The following PAX4 variants were observed in gnomAD, a reference collection of about 807,000 sequenced individuals.
The protein encoded by PAX4 is paired box protein Pax-4.
Under a neutral mutation model 40.6 loss-of-function variants are expected in PAX4, and 33 were observed. The ratio of observed to expected loss-of-function variants is 0.81; its 90% CI spans 0.62 to 1.09. PAX4 has a LOEUF of 1.09. PAX4 is among the 50% of genes least tolerant of loss of function. The pLI, the probability that PAX4 is intolerant of heterozygous loss-of-function variation, is 0.00. For missense variants in PAX4, 459 were observed against 442.5 expected (o/e 1.04, Z -0.33); for synonymous variants, 174 against 170.6 (o/e 1.02, Z -0.16).
At chr7:127,613,129 T>C in intron 8 of PAX4, 38 bp from the exon 9 acceptor site, 2 of 1,513,696 alleles carry the variant, frequency 1.3e-6, no homozygotes, top group Non-Finnish European at 1.8e-6. Flanking sequence ...GGCTGTACTT[T>C]ATGCTGCCTG....
chr7:127,613,407 T>A (rs1310110517), intron 8 of PAX4, 43 bp downstream of exon 8: 1 of 1,590,608 alleles, frequency 6.3e-7, no homozygotes, highest in Non-Finnish European at 8.6e-7. Context: ...CGGCCCAGAC[T>A]CTTCCTCCTT....
At chr7:127,616,931 A>C (rs1489015647) in intron 2 of PAX4, among the ~76,000 whole-genome samples, 1 of 152,200 alleles carries the variant, frequency 6.6e-6, no homozygotes, top group Non-Finnish European at 1.5e-5. Flanking sequence ...TTTCATTAGT[A>C]ATCAATGGGA....
At position 127,616,032 on chromosome 7, in the gene PAX4, A is replaced by G; in HGVS notation, c.-99-5T>C. ...TTTCCAGCTTGGGGGCTGGCTCTGCAATAATGGGGGGTTATTTGGGTGAGG... is the reference window on the plus strand; with the variant it reads ...TTTCCAGCTTGGGGGCTGGCTCTGCGATAATGGGGGGTTATTTGGGTGAGG... On this transcript the variant is annotated splice_region_variant and splice_polypyrimidine_tract_variant and intron_variant, in intron 2 of 11. Coordinates refer to ENST00000639438, the MANE Select transcript of PAX4 (RefSeq NM_001366110.1). 7.5e-7 allele frequency: 1 copy of G among 1,339,166 alleles called. No individual in the cohort carries two copies. The highest frequency in any genetic ancestry group is 1.3e-5 in the South Asian group (1 of 79,042). 83.0% of individuals were successfully genotyped at this position (1,339,166 alleles called of 1,614,324 possible).
At chr7:127,614,399 G>C (rs567639160) in intron 6 of PAX4, 83 bp downstream of exon 6, 18 of 1,125,524 alleles carry the variant, frequency 1.6e-5, no homozygotes, top group Non-Finnish European at 2.2e-5. Flanking sequence ...GGTGATCCAA[G>C]AAAGAACGAG....
intron 2 of PAX4, among the ~76,000 whole-genome samples, chr7:127,616,443 C>T (rs1794725202): frequency 6.6e-6 from 1 of 152,206 alleles, no homozygotes; most frequent in Admixed American, 6.5e-5. Flanking sequence ...CAGGGGTCCA[C>T]CTTCACTATT....
Position 127,614,538 on chromosome 7 carries a change from A to T in PAX4, c.380T>A (p.Val127Asp), listed in dbSNP as rs975633605. Residue 127 changes from valine to aspartate, a missense_variant, in exon 6 of 12, where the codon GTC becomes GAC. Transcript: ENST00000639438. ...KTPSVSSINR[V>D]LRALQEDQGL... The stretch of plus-strand genomic sequence containing the variant: ...CTGGTCCTCCTGTAATGCCCGCAGG[A>T]CTCGGTTGATGGAGGAGACCTGGGA... 61 of 1,594,052 alleles carry T rather than the reference A, an allele frequency of 3.8e-5. No homozygotes were observed. The highest frequency in any genetic ancestry group is 5.0e-5 in the Non-Finnish European group (59 of 1,169,968).
Position 127,615,012 on chromosome 7 carries a change from C to T in PAX4, c.228G>A (p.Lys76=). 1 of 1,614,196 alleles carries T rather than the reference C, an allele frequency of 6.2e-7. No homozygotes were observed. The highest frequency in any genetic ancestry group is 8.5e-7 in the Non-Finnish European group (1 of 1,180,032). ...VLEPKGIGGS[K]PRLATPPVVA... is the part of the protein sequence containing the mutation. ...CCACAGGGGGTGTAGCCAGCCGTGG[C>T]TTGCTTCCCCCAATGCCCTTTGGCT... Residue 76 remains lysine (K), a synonymous_variant, in exon 5 of 12, where the codon AAG becomes AAA. Coordinates refer to ENST00000639438, the MANE Select transcript of PAX4 (RefSeq NM_001366110.1).
chr7:127,612,705 A>AGATGAATG (rs1196765824), intron 9 of PAX4, among the ~76,000 whole-genome samples: 24 of 144,114 alleles, frequency 1.7e-4, no homozygotes, highest in African/African-American at 6.0e-4. Flanking sequence ...ATGGATGGAT[A>AGATGAATG]GATGAATGGA....
chr7:127,615,795 GA>G, intron 3 of PAX4, 120 bp downstream of exon 3: 1 of 1,522,210 alleles, frequency 6.6e-7, no homozygotes, highest in Non-Finnish European at 8.8e-7. Flanking sequence ...GGAGGGACTG[GA>G]AAAAGCTTCC....
In PAX4 at chr7:127,615,511, G is replaced by C; in HGVS notation, c.34C>G (p.Leu12Val). 2 of 1,614,102 alleles carry C rather than the reference G, an allele frequency of 1.2e-6. No individual in the cohort carries two copies. The highest frequency in any genetic ancestry group is 3.3e-5 in the Admixed American group (2 of 60,022). ...HQDGISSMNQ[L>V]GGLFVNGRPL... ...CGGCCATTCACAAAGAGCCCCCCAA[G>C]CTGGTTCATGCTGCTGATCCCTGGG... The change falls in exon 4 of 12, where the codon CTT (leucine) becomes GTT (valine). Residue 12 changes from leucine to valine, a missense_variant. Leu to Val is a conservative substitution (Grantham distance 32, BLOSUM62 1). Coordinates refer to ENST00000639438, the MANE Select transcript of PAX4 (RefSeq NM_001366110.1).
In PAX4 at chr7:127,615,411, C is replaced by G. The variant is rs147279315; in HGVS notation, c.134G>C (p.Arg45Pro). ...VSGMRPCDIS[R>P]ILKVSNGCVS... is the part of the protein sequence containing the mutation. The stretch of plus-strand genomic sequence containing the variant: ...GTGCTGGCCCATTACCTTAAGGATC[C>G]GTGAGATGTCACAGGGCCGCATTCC... Residue 45 changes from arginine to proline, a missense_variant, in exon 4 of 12, where the codon CGG becomes CCG. Arg to Pro is a moderately radical substitution (Grantham distance 103, BLOSUM62 -2). Transcript: ENST00000639438. 6 of 1,614,216 alleles carry G rather than the reference C, an allele frequency of 3.7e-6. No individual in the cohort carries two copies. In the South Asian group the frequency reaches 6.6e-5, roughly 18 times the overall value.
intron 11 of PAX4, 47 bp downstream of exon 11, chr7:127,611,488 G>A (rs140070434): frequency 2.7e-4 from 438 of 1,612,102 alleles, no homozygotes; most frequent in Non-Finnish European, 1.1e-4. Flanking sequence ...TGAGTCAGTC[G>A]ACCCTCCCTA....
rs758121984 is a variant in PAX4, at chr7:127,615,137, C to G, written c.145-42G>C. The G allele has an allele frequency of 1.9e-6, 3 of 1,613,690 alleles. No individual in the cohort carries two copies. In the African/African-American group the frequency reaches 4.0e-5, roughly 22 times the overall value. ...GCAGGGACAGGTGAGGCATGATGGG[C>G]AGAAGGAAGGAGAGTGTCCCTGGGA... On this transcript the variant is annotated intron_variant, in intron 4 of 11. Transcript: ENST00000639438.
chr7:127,613,603 C>A, intron 7 of PAX4, 71 bp from the exon 8 acceptor site: 1 of 1,583,412 alleles, frequency 6.3e-7, no homozygotes, highest in Non-Finnish European at 8.7e-7. Flanking sequence ...CCTTAGGCAA[C>A]ACTCCCCACC....
intron 8 of PAX4, 28 bp from the exon 9 acceptor site, chr7:127,613,119 G>A: frequency 6.3e-7 from 1 of 1,581,794 alleles, no homozygotes; most frequent in Non-Finnish European, 8.7e-7. Flanking sequence ...CAATGCAGCT[G>A]GCTGTACTTT....
chr7:127,616,642 C>T (rs1467336800), intron 2 of PAX4, among the ~76,000 whole-genome samples: 1 of 152,220 alleles, frequency 6.6e-6, no homozygotes, highest in East Asian at 1.9e-4. Flanking sequence ...GCCGGCTTCT[C>T]CTAGGAGACG....
At position 127,610,587 on chromosome 7, in the gene PAX4, G is replaced by A. The variant is rs327520; in HGVS notation, c.*477C>T. On this transcript the variant is annotated 3_prime_UTR_variant, in exon 12 of 12. Transcript: ENST00000639438. Reference sequence around the variant, plus strand: ...TGTGTGTGTGCGCGCACGCATGCACGCATACATAATACACATATAGATGCA... The same window carrying A: ...TGTGTGTGTGCGCGCACGCATGCACACATACATAATACACATATAGATGCA... 0.34 allele frequency: 149,241 copies of A among 442,146 alleles called. 29,530 individuals are homozygous for A. Among genetic ancestry groups the A allele is most frequent in the Middle Eastern group, 0.42 (654 of 1,542 alleles). The allele number at this position is 442,146 out of a possible 1,614,324, so 27.4% of individuals were successfully genotyped here.
At position 127,612,003 on chromosome 7, in the gene PAX4, A is replaced by G. The variant is rs1794634782; in HGVS notation, c.716-3T>C. The G allele has an allele frequency of 1.2e-6, 2 of 1,613,978 alleles. No homozygotes were observed. The highest frequency in any genetic ancestry group is 4.5e-5 in the East Asian group (2 of 44,884). ...TACAGTCAGCCCCTGGGAAGCACCTATAAAATGAGAGTGAATCCACTCAGA... is the reference window on the plus strand; with the variant it reads ...TACAGTCAGCCCCTGGGAAGCACCTGTAAAATGAGAGTGAATCCACTCAGA... On this transcript the variant is annotated splice_region_variant and splice_polypyrimidine_tract_variant and intron_variant, in intron 9 of 11. Coordinates refer to ENST00000639438, the MANE Select transcript of PAX4 (RefSeq NM_001366110.1).
rs1194499770 is a variant in PAX4, at chr7:127,615,931, T to G, written c.-3A>C. The G allele has an allele frequency of 2.0e-6, 3 of 1,535,940 alleles. No individual in the cohort carries two copies. In the African/African-American group the frequency reaches 4.1e-5, roughly 21 times the overall value. The stretch of plus-strand genomic sequence containing the variant: ...GGCTCCTCACCGTCCTGATGCATGC[T>G]CCAGGCTGACCCTCCTCAGAAGGAT... On this transcript the variant is annotated 5_prime_UTR_variant, in exon 3 of 12. Transcript: ENST00000639438.
Sources: allele counts gnomAD v4.1 joint callset (sites outside exome capture counted in the v4.1 genomes callset), GRCh38; gene constraint gnomAD v4.1.1; transcripts MANE v1.5; gene names NCBI Gene and HGNC (gene_info 2026-07-23, HGNC 2026-07-21).